Variants in ZNF385D observed in about 807,000 individuals in gnomAD.
ZNF385D encodes zinc finger protein 659.
Under a neutral mutation model 35.8 loss-of-function variants are expected in ZNF385D, and 15 were observed. The ratio of observed to expected loss-of-function variants is 0.42; its 90% confidence interval spans 0.28 to 0.64. ZNF385D has a LOEUF of 0.64. Among genes scored for constraint, ZNF385D ranks in the 30% least tolerant of loss-of-function variants. The pLI is 0.23. For missense variants in ZNF385D, 474 were observed against 494.6 expected, an observed-to-expected ratio of 0.96 and a Z score of 0.39; for synonymous variants, 212 against 186.8, an observed-to-expected ratio of 1.13 and a Z score of -1.10.
intron 3 of ZNF385D, among the ~76,000 whole-genome samples, chr3:21,989,666 T>C (rs1360360317): frequency 7.0e-6 from 1 of 143,354 alleles, no homozygotes; most frequent in African/African-American, 2.8e-5. Context: ...ATGTTTTCTT[T>C]CCACAATAAT....
chr3:22,313,409 T>TA (rs957272388), intron 2 of ZNF385D, among the ~76,000 whole-genome samples: 2 of 151,832 alleles, frequency 1.3e-5, no homozygotes, highest in African/African-American at 2.4e-5. Context: ...TAATAAAATT[T>TA]AAAAAAAGAT....
intron 2 of ZNF385D, among the ~76,000 whole-genome samples, chr3:22,351,948 C>G (rs66747516): frequency 0.062 from 9,499 of 152,222 alleles, 436 homozygotes; most frequent in African/African-American, 0.12. Flanking sequence ...CTCATCCTTA[C>G]GTGGGCTTTC....
intron 2 of ZNF385D, among the ~76,000 whole-genome samples, chr3:21,640,637 C>T (rs372137095): frequency 3.3e-5 from 5 of 152,086 alleles, no homozygotes; most frequent in Admixed American, 6.6e-5. Flanking sequence ...GAGGAAGTCC[C>T]TTGCCAAACA....
At chr3:22,096,743 A>T (rs1701656509) in intron 3 of ZNF385D, among the ~76,000 whole-genome samples, 1 of 152,082 alleles carries the variant, frequency 6.6e-6, no homozygotes, top group Non-Finnish European at 1.5e-5. Flanking sequence ...GTGTCATGGC[A>T]CATGAAACAG....
At chr3:21,813,262 T>A (rs1466619613) in intron 3 of ZNF385D, among the ~76,000 whole-genome samples, 1 of 152,124 alleles carries the variant, frequency 6.6e-6, no homozygotes, top group East Asian at 1.9e-4. Context: ...ACAGAAAAGC[T>A]GAAAATTCTA....
intron 2 of ZNF385D, among the ~76,000 whole-genome samples, chr3:22,264,159 A>G (rs1438289188): frequency 2.0e-5 from 3 of 152,058 alleles, no homozygotes; most frequent in Non-Finnish European, 4.4e-5. Flanking sequence ...TGAGGCATAT[A>G]TAAGATCAAT....
At chr3:21,445,405 A>G (rs2125259702) in intron 4 of ZNF385D, among the ~76,000 whole-genome samples, 1 of 152,328 alleles carries the variant, frequency 6.6e-6, no homozygotes, top group South Asian at 2.1e-4. Context: ...TTAAAGAGAG[A>G]TAAGCTGATT....
At chr3:22,111,547 C>T (rs769941465) in intron 3 of ZNF385D, among the ~76,000 whole-genome samples, 12 of 152,094 alleles carry the variant, frequency 7.9e-5, no homozygotes, top group East Asian at 3.9e-4. Flanking sequence ...TTGGATGAGG[C>T]GCTGTTCAGT....
chr3:22,312,149 G>C (rs1703593149), intron 2 of ZNF385D, among the ~76,000 whole-genome samples: 3 of 152,080 alleles, frequency 2.0e-5, no homozygotes, highest in Admixed American at 2.0e-4. Flanking sequence ...TATGGAATTT[G>C]AGCCTCTTCC....
chr3:21,689,322 G>T (rs2067208364), intron 1 of ZNF385D, among the ~76,000 whole-genome samples: 1 of 152,058 alleles, frequency 6.6e-6, no homozygotes, highest in South Asian at 2.1e-4. Context: ...TCACTGAAGA[G>T]GTGTGTGCTC....
At chr3:21,698,477 G>A (rs1450998440) in intron 1 of ZNF385D, among the ~76,000 whole-genome samples, 1 of 152,130 alleles carries the variant, frequency 6.6e-6, no homozygotes, top group Non-Finnish European at 1.5e-5. Context: ...AGAAGGGACT[G>A]AGGGTTGAAA....
At chr3:22,220,563 T>C (rs1698191770) in intron 2 of ZNF385D, among the ~76,000 whole-genome samples, 1 of 152,226 alleles carries the variant, frequency 6.6e-6, no homozygotes, top group South Asian at 2.1e-4. Context: ...TTATTGTCAT[T>C]GTCTTTAGTA....
At chr3:21,826,091 C>CA (rs1240432731) in intron 3 of ZNF385D, among the ~76,000 whole-genome samples, 8 of 152,142 alleles carry the variant, frequency 5.3e-5, no homozygotes, top group African/African-American at 1.4e-4. Flanking sequence ...TCCCTAGTGC[C>CA]AAAAACGTTG....
chr3:22,311,243 A>C (rs1703531204), intron 2 of ZNF385D, among the ~76,000 whole-genome samples: 1 of 152,030 alleles, frequency 6.6e-6, no homozygotes, highest in African/African-American at 2.4e-5. Context: ...TTTTATCTTT[A>C]TATTAAACAC....
In ZNF385D at chr3:21,805,607, C is replaced by T. The variant is rs555648739; in HGVS notation, c.326-140579G>A. Among the ~76,000 whole-genome samples the T allele has an allele frequency of 1.4e-4, 22 of 152,252 alleles. No homozygotes were observed. In the South Asian group the frequency reaches 4.4e-3, roughly 30 times the overall value. On this transcript the variant is annotated intron_variant, in intron 3 of 5. Coordinates refer to the ZNF385D transcript ENST00000494108. ...TAGCTCTTCTGAGGACCAATTTTGT[C>T]ATTTGTGAAATAAAAAAGCAGAGCA...
intron 2 of ZNF385D, among the ~76,000 whole-genome samples, chr3:21,586,605 T>A (rs147220295): frequency 2.0e-5 from 3 of 152,198 alleles, no homozygotes; most frequent in East Asian, 3.9e-4. Context: ...TTGATAAAGT[T>A]GTAAGGAAGA....
intron 3 of ZNF385D, among the ~76,000 whole-genome samples, chr3:22,081,285 G>T (rs1700737908): frequency 6.6e-6 from 1 of 152,070 alleles, no homozygotes; most frequent in African/African-American, 2.4e-5. Context: ...AATACTGGGA[G>T]CTATATAGTA....
At chr3:22,030,301 A>ATATATATC (rs1553591399) in intron 3 of ZNF385D, among the ~76,000 whole-genome samples, 4 of 110,490 alleles carry the variant, frequency 3.6e-5, no homozygotes, top group Non-Finnish European at 5.7e-5. Context: ...ATATATATAT[A>ATATATATC]TCCTATTTGG....
chr3:22,261,155 A>T (rs114532676), intron 2 of ZNF385D, among the ~76,000 whole-genome samples: 1 of 151,768 alleles, frequency 6.6e-6, no homozygotes, highest in Non-Finnish European at 1.5e-5. Flanking sequence ...CTACTCATCT[A>T]CTTATAGCCT....
Sources: allele counts gnomAD v4.1 joint callset (sites outside exome capture counted in the v4.1 genomes callset), GRCh38; gene constraint gnomAD v4.1.1; transcripts MANE v1.5; gene names NCBI Gene and HGNC (gene_info 2026-07-23, HGNC 2026-07-21).